BUD13: variants seen among roughly 807,000 people sequenced by gnomAD.
BUD13 encodes BUD13 homolog.
BUD13 carries 47 observed loss-of-function variants against 62.5 expected under a neutral mutation model. The observed-to-expected ratio is 0.75, with a 90% confidence interval of 0.60 to 0.96. BUD13 has a LOEUF of 0.96. Ranked by LOEUF, BUD13 falls within the 40% of genes least tolerant of loss-of-function variation. BUD13 has a pLI of 0.00. For missense variants in BUD13, 821 were observed against 790.9 expected (o/e 1.04, Z -0.46); for synonymous variants, 293 against 280.1 (o/e 1.05, Z -0.46).
intron 9 of BUD13, among the ~76,000 whole-genome samples, chr11:116,755,309 T>C (rs1251525583): frequency 2.6e-5 from 4 of 152,186 alleles, no homozygotes; most frequent in African/African-American, 9.7e-5. Context: ...AGACCGGAAG[T>C]GATGTTAACA....
At chr11:116,760,643 T>C in intron 5 of BUD13, 92 bp downstream of exon 5, 1 of 1,375,342 alleles carries the variant, frequency 7.3e-7, no homozygotes, top group Non-Finnish European at 1.0e-6. Flanking sequence ...CAGAGCTACA[T>C]CCTTCTTCTT....
At chr11:116,757,058 C>A (rs2134174538) in intron 9 of BUD13, 88 bp downstream of exon 9, 1 of 1,261,722 alleles carries the variant, frequency 7.9e-7, no homozygotes, top group Non-Finnish European at 1.1e-6. Flanking sequence ...GTGATTAAAG[C>A]AGAGAATGAA....
At position 116,760,768 on chromosome 11, in the gene BUD13, G is replaced by A. The variant is rs1940414935; in HGVS notation, c.1221C>T (p.Ser407=). The A allele has an allele frequency of 6.2e-7, 1 of 1,614,136 alleles. No individual in the cohort carries two copies. Among genetic ancestry groups the A allele is most frequent in the Non-Finnish European group, 8.5e-7 (1 of 1,180,026 alleles). The change falls in exon 5 of 10, where the codon TCC becomes TCT. Residue 407 remains serine, a synonymous_variant. Transcript: ENST00000260210. ...CAGGAGGCTGACTCCTTCGAGGCGGGGACAGGTCAGAATCAGAAGATTTGG... is the reference window on the plus strand; with the variant it reads ...CAGGAGGCTGACTCCTTCGAGGCGGAGACAGGTCAGAATCAGAAGATTTGG... ...QRTKSSDSDL[S]PPRRSQPPGK...
At chr11:116,758,211 G>A (rs1940365828) in intron 7 of BUD13, 58 bp downstream of exon 7, 2 of 1,599,062 alleles carry the variant, frequency 1.3e-6, no homozygotes, top group South Asian at 2.2e-5. Flanking sequence ...CAGAAGAGCA[G>A]AGAAATGACT....
chr11:116,758,010 A>C lies in BUD13; in HGVS notation c.1500-60T>G. 5 of 1,588,206 alleles carry C rather than the reference A, an allele frequency of 3.1e-6. No individual in the cohort carries two copies. In the South Asian group the frequency reaches 5.7e-5, roughly 18 times the overall value. ...TGTATGACATTTCCACTTCTACACG[A>C]GATGGACCATACTGCTAAGTTTGGA... On this transcript the variant is annotated intron_variant, in intron 7 of 9. Transcript: ENST00000260210.
At chr11:116,758,754 GT>G (rs919535759) in intron 6 of BUD13, among the ~76,000 whole-genome samples, 5 of 150,462 alleles carry the variant, frequency 3.3e-5, no homozygotes, top group South Asian at 2.1e-4. Flanking sequence ...TGCCTGGCTA[GT>G]TTTTTTTTGT....
At chr11:116,772,678 T>G in intron 1 of BUD13, 144 bp downstream of exon 1, 2 of 1,170,120 alleles carry the variant, frequency 1.7e-6, no homozygotes, top group Non-Finnish European at 2.3e-6. Context: ...TCAAGCGATG[T>G]GAGTGGGGCC....
chr11:116,767,016 C>T (rs569464364), intron 2 of BUD13, among the ~76,000 whole-genome samples: 1 of 151,104 alleles, frequency 6.6e-6, no homozygotes, highest in Admixed American at 6.6e-5. Flanking sequence ...GGTGAAACCC[C>T]GTCTCTACCA....
chr11:116,762,398 G>T (rs572027063), intron 4 of BUD13, among the ~76,000 whole-genome samples, 155 bp downstream of exon 4: 1 of 152,200 alleles, frequency 6.6e-6, no homozygotes, highest in East Asian at 1.9e-4. Flanking sequence ...CTTCCTCCCT[G>T]CCACCATAAT....
intron 3 of BUD13, among the ~76,000 whole-genome samples, chr11:116,763,735 T>A (rs1940480642): frequency 6.6e-6 from 1 of 152,230 alleles, no homozygotes; most frequent in Non-Finnish European, 1.5e-5. Context: ...ATATTTTGCC[T>A]AGATACTTTA....
At chr11:116,769,599 T>C (rs2134185720) in intron 2 of BUD13, among the ~76,000 whole-genome samples, 1 of 152,302 alleles carries the variant, frequency 6.6e-6, no homozygotes, top group South Asian at 2.1e-4. Flanking sequence ...CTCTCTGTGA[T>C]CCATCTCATT....
chr11:116,759,388 A>G (rs1189983723), intron 5 of BUD13, among the ~76,000 whole-genome samples: 2 of 152,240 alleles, frequency 1.3e-5, no homozygotes, highest in African/African-American at 4.8e-5. Context: ...AAGCAGAAAC[A>G]CTAACAATAT....
chr11:116,760,507 C>T (rs1940409750), intron 5 of BUD13, among the ~76,000 whole-genome samples: 1 of 152,150 alleles, frequency 6.6e-6, no homozygotes, highest in Non-Finnish European at 1.5e-5. Context: ...AATTAAGAGG[C>T]TATAAACGCA....
chr11:116,770,056 C>CAAAA (rs34855544), intron 2 of BUD13, 73 bp downstream of exon 2: 816 of 853,990 alleles, frequency 9.6e-4, no homozygotes, highest in Middle Eastern at 2.5e-3. Context: ...GACTCCGTCT[C>CAAAA]AAAAAAAAAA....
chr11:116,762,521 T>A (rs780884536), intron 4 of BUD13, 32 bp downstream of exon 4: 44 of 1,507,418 alleles, frequency 2.9e-5, no homozygotes, highest in Non-Finnish European at 4.0e-5. Context: ...CAGGGATACA[T>A]ACATCCCTCT....
chr11:116,772,737 G>A, intron 1 of BUD13, 85 bp downstream of exon 1: 1 of 1,412,960 alleles, frequency 7.1e-7, no homozygotes, highest in Non-Finnish European at 9.2e-7. Flanking sequence ...CCGCCAAGAG[G>A]GAAGGAACTG....
At chr11:116,767,590 CAAAA>C (rs57036085) in intron 2 of BUD13, among the ~76,000 whole-genome samples, 30 of 80,690 alleles carry the variant, frequency 3.7e-4, no homozygotes, top group Non-Finnish European at 5.4e-4. Flanking sequence ...GAGACTCCAC[CAAAA>C]AAAAAAAAAA....
chr11:116,760,391 T>C (rs762384419), intron 5 of BUD13, among the ~76,000 whole-genome samples: 4 of 152,252 alleles, frequency 2.6e-5, no homozygotes, highest in Non-Finnish European at 5.9e-5. Flanking sequence ...ATGTGATCCG[T>C]TTGACACAAT....
Position 116,748,528 on chromosome 11 carries a change from T to C in BUD13, c.1814A>G (p.Lys605Arg), listed in dbSNP as rs1470850188. The change falls in exon 10 of 10, where the codon AAG becomes AGG. Residue 605 changes from lysine to arginine, a missense_variant. Lys to Arg is a conservative substitution (Grantham distance 26). Coordinates refer to ENST00000260210, the MANE Select transcript of BUD13 (RefSeq NM_032725.4). ...TTTGTAGGCAAGTTCCTCCACTGCC[T>C]TCTTGCTGGCAAGCCTGGCAAAGCG... ...QKRFARLASK[K>R]AVEELAYKWS... 1.9e-6 allele frequency: 3 copies of C among 1,614,144 alleles called. No homozygotes were observed. The highest frequency in any genetic ancestry group is 2.7e-5 in the African/African-American group (2 of 74,954).
Sources: gnomAD v4.1 joint callset for allele counts (sites outside exome capture counted in the v4.1 genomes callset) on GRCh38, gnomAD v4.1.1 for gene constraint, MANE v1.5 for transcripts, NCBI Gene and HGNC (gene_info 2026-07-23, HGNC 2026-07-21) for gene names.